CNOT10: variants seen among roughly 807,000 people sequenced by gnomAD.
CNOT10 encodes the protein CCR4-NOT transcription complex subunit 10.
A neutral mutation model predicts 94.6 loss-of-function variants in CNOT10; 30 were observed. That is an observed-to-expected ratio of 0.32 (90% CI 0.24 to 0.43). The LOEUF (loss-of-function observed/expected upper bound fraction) is 0.43, where lower values mean the gene tolerates loss of function less well. Among genes scored for constraint, CNOT10 ranks in the 20% least tolerant of loss-of-function variants. The probability of loss-of-function intolerance (pLI) is 1.00; values close to 1 mark genes in which losing one functional copy is unlikely to be tolerated. For missense variants in CNOT10, 759 were observed against 877.2 expected (o/e 0.87, Z 1.70); for synonymous variants, 289 against 301.6 (o/e 0.96, Z 0.43).
chr3:32,750,983 G>T (rs1435277625), intron 13 of CNOT10, among the ~76,000 whole-genome samples: 1 of 152,128 alleles, frequency 6.6e-6, no homozygotes, highest in East Asian at 1.9e-4. Context: ...CTTAATGGAG[G>T]CTATTCAAGA....
chr3:32,717,955 G>C lies in CNOT10; in HGVS notation c.744+718G>C, dbSNP rs559360621. Among the ~76,000 whole-genome samples, 51 of 152,206 alleles carry C rather than the reference G, an allele frequency of 3.4e-4. No individual in the cohort carries two copies. The East Asian group carries it at 6.2e-3, about 18-fold the overall frequency. On this transcript the variant is annotated intron_variant, in intron 7 of 18. Coordinates refer to ENST00000328834, the MANE Select transcript of CNOT10 (RefSeq NM_015442.3). ...GCCCCTTCCAAGTGACTTTTGGCTT[G>C]ACAGTACCTTCGATTTAACTGAGAT...
chr3:32,760,312 A>G (rs900894059), intron 14 of CNOT10, among the ~76,000 whole-genome samples: 1 of 152,050 alleles, frequency 6.6e-6, no homozygotes, highest in Admixed American at 6.6e-5. Context: ...TTTCCAAAGC[A>G]CATTATCTTT....
intron 4 of CNOT10, among the ~76,000 whole-genome samples, chr3:32,710,993 C>G (rs1697861644): frequency 6.6e-6 from 1 of 152,192 alleles, no homozygotes; most frequent in Non-Finnish European, 1.5e-5. Context: ...GCTGGGATTA[C>G]AGGTGTGAAC....
chr3:32,764,466 G>A lies in CNOT10; in HGVS notation c.1852G>A (p.Gly618Ser), dbSNP rs1700581847. Residue 618 changes from glycine (G) to serine (S), a missense_variant, in exon 16 of 19, where the codon GGT (glycine) becomes AGT (serine). This residue lies in a region of CNOT10 where 682 missense variants were observed against 799.4 expected (regional missense o/e 0.85). Transcript: ENST00000328834. ...TCGTGTTTTTGTAGGATCAGACAAA[G>A]GTGAAAATGAAGCAATGGAATCCTG... The part of the protein sequence containing the change: ...SNEQDQGSDK[G>S]ENEAMESSGK... The A allele has an allele frequency of 6.2e-7, 1 of 1,614,050 alleles. No individual in the cohort carries two copies. Among genetic ancestry groups the A allele is most frequent in the African/African-American group, 1.3e-5 (1 of 75,042 alleles).
intron 13 of CNOT10, among the ~76,000 whole-genome samples, chr3:32,740,066 C>G (rs1011260691): frequency 6.6e-6 from 1 of 152,182 alleles, no homozygotes; most frequent in African/African-American, 2.4e-5. Context: ...CATCAAACTC[C>G]AGCAAGGATG....
At chr3:32,754,897 C>CAAAA (rs1212573196) in intron 13 of CNOT10, among the ~76,000 whole-genome samples, 2,633 of 113,550 alleles carry the variant, frequency 0.023, 37 homozygotes, top group South Asian at 0.053. Context: ...AGGACCATTA[C>CAAAA]AAAAAAAAAA....
intron 2 of CNOT10, among the ~76,000 whole-genome samples, chr3:32,704,407 T>C (rs907876227): frequency 6.6e-6 from 1 of 152,090 alleles, no homozygotes; most frequent in Non-Finnish European, 1.5e-5. Context: ...AAAACCTTAT[T>C]TGGTTATCAG....
chr3:32,695,608 G>A, intron 1 of CNOT10: 3 of 1,535,292 alleles, frequency 2.0e-6, no homozygotes, highest in South Asian at 1.2e-5. Flanking sequence ...AAACCTAAAG[G>A]CAATTGTTTA....
At chr3:32,701,835 C>G (rs1283151556) in intron 1 of CNOT10, among the ~76,000 whole-genome samples, 4 of 152,184 alleles carry the variant, frequency 2.6e-5, no homozygotes, top group Non-Finnish European at 5.9e-5. Context: ...CTCTGTTGCT[C>G]AGGCTAGAGT....
At chr3:32,694,074 A>C (rs570843840) in intron 1 of CNOT10, among the ~76,000 whole-genome samples, 1 of 151,836 alleles carries the variant, frequency 6.6e-6, no homozygotes, top group Non-Finnish European at 1.5e-5. Context: ...TCTAGCAATT[A>C]TACTTAAAAT....
chr3:32,728,099 C>T (rs568167611), intron 10 of CNOT10, among the ~76,000 whole-genome samples: 36 of 152,004 alleles, frequency 2.4e-4, no homozygotes, highest in African/African-American at 8.2e-4. Context: ...CGGGTTCAAG[C>T]GATTCTTCTG....
intron 13 of CNOT10, among the ~76,000 whole-genome samples, chr3:32,738,300 C>G (rs1395226574): frequency 6.6e-6 from 1 of 152,112 alleles, no homozygotes; most frequent in Non-Finnish European, 1.5e-5. Flanking sequence ...TATAACAAAC[C>G]TGCACATGTA....
intron 4 of CNOT10, among the ~76,000 whole-genome samples, chr3:32,710,016 C>T (rs1250734337): frequency 6.6e-6 from 1 of 151,900 alleles, no homozygotes; most frequent in East Asian, 1.9e-4. Flanking sequence ...TGTGGTGGCA[C>T]ATGCCTGTAA....
intron 9 of CNOT10, among the ~76,000 whole-genome samples, chr3:32,726,475 A>C (rs973722526): frequency 6.6e-6 from 1 of 152,014 alleles, no homozygotes; most frequent in Admixed American, 6.6e-5. Context: ...TGGGCAGATC[A>C]CGAGGTCAGG....
Position 32,687,464 on chromosome 3 carries a change from T to G in CNOT10, c.22+1982T>G, listed in dbSNP as rs898273852. Among the ~76,000 whole-genome samples, 227 of 67,998 alleles carry G rather than the reference T, an allele frequency of 3.3e-3. 1 individual carries two copies. The highest frequency in any genetic ancestry group is 0.014 in the African/African-American group (217 of 15,230). 44.6% of individuals were successfully genotyped at this position (67,998 alleles called of 152,430 possible). A position where few individuals can be genotyped will look rare whatever the true frequency, so the allele number is the denominator to read the frequency against. Reference sequence around the variant, plus strand: ...GTTTTTTTTTTTTGTTTTTTTTTTTTTTTTTGAGACGGAGTCTCGCTCTGT... The same window carrying G: ...GTTTTTTTTTTTTGTTTTTTTTTTTGTTTTTGAGACGGAGTCTCGCTCTGT... On this transcript the variant is annotated intron_variant, in intron 1 of 18. Coordinates refer to ENST00000328834, the MANE Select transcript of CNOT10 (RefSeq NM_015442.3).
chr3:32,745,488 C>T (rs115307063), intron 13 of CNOT10, among the ~76,000 whole-genome samples: 3,344 of 34,246 alleles, frequency 0.098, 50 homozygotes, highest in East Asian at 0.19. Flanking sequence ...ACATTCTGTG[C>T]CCTGGAATTA....
intron 8 of CNOT10, among the ~76,000 whole-genome samples, chr3:32,720,922 CCTT>C (rs1217594342): frequency 3.0e-5 from 4 of 135,304 alleles, no homozygotes; most frequent in East Asian, 2.2e-4. Context: ...TTCCTTCCTT[CCTT>C]CCTTCCTTCC....
Position 32,762,870 on chromosome 3 carries a change from G to C in CNOT10, c.1840+7G>C. On this transcript the variant is annotated splice_region_variant and intron_variant, in intron 15 of 18. Coordinates refer to ENST00000328834, the MANE Select transcript of CNOT10 (RefSeq NM_015442.3). ...TCAAATGAGCAGGACCAAGGTTAAT[G>C]AGGACATCTTTGATCAGAACTGGTC... 1 of 1,532,312 alleles carries C rather than the reference G, an allele frequency of 6.5e-7. No homozygotes were observed. The highest frequency in any genetic ancestry group is 8.7e-7 in the Non-Finnish European group (1 of 1,151,880). 94.9% of individuals were successfully genotyped at this position (1,532,312 alleles called of 1,614,324 possible).
rs1173598461 is a variant in CNOT10 at position 32,729,359 on chromosome 3, A to T, written c.1215+1489A>T. On this transcript the variant is annotated intron_variant, in intron 10 of 18. Transcript: ENST00000328834. ...GGGATCAGTAGGAGATAGGGGAAAGACGGGTTGTGTCAGAATTACCAGATA... is the reference window on the plus strand; with the variant it reads ...GGGATCAGTAGGAGATAGGGGAAAGTCGGGTTGTGTCAGAATTACCAGATA... 3.3e-5 allele frequency among the ~76,000 whole-genome samples: 5 copies of T among 152,144 alleles called. No individual in the cohort carries two copies. In the East Asian group the frequency reaches 9.6e-4, roughly 29 times the overall value.
Sources: allele counts gnomAD v4.1 joint callset (sites outside exome capture counted in the v4.1 genomes callset), GRCh38; gene constraint gnomAD v4.1.1; regional missense constraint gnomAD v4.1.1; transcripts MANE v1.5; gene names NCBI Gene and HGNC (gene_info 2026-07-23, HGNC 2026-07-21).